NOX4: variants seen among roughly 807,000 people sequenced by gnomAD.
NOX4 encodes the protein NADPH oxidase 4.
A neutral mutation model predicts 87.6 loss-of-function variants in NOX4; 69 were observed. The observed-to-expected ratio is 0.79, with a 90% CI of 0.65 to 0.96. NOX4 has a LOEUF of 0.96. Ranked by LOEUF, NOX4 falls within the 40% of genes least tolerant of loss-of-function variation. NOX4 has a pLI of 0.00. For missense variants in NOX4, 680 were observed against 681.5 expected, an observed-to-expected ratio of 1.00 and a Z score of 0.02; for synonymous variants, 275 against 238.2, an observed-to-expected ratio of 1.15 and a Z score of -1.42.
intron 12 of NOX4, among the ~76,000 whole-genome samples, chr11:89,356,559 T>C (rs1938073083): frequency 6.6e-6 from 1 of 152,124 alleles, no homozygotes; most frequent in African/African-American, 2.4e-5. Flanking sequence ...GTCATACCTA[T>C]GGAAAGGCTT....
At chr11:89,584,046 G>GT in the NOX4 span, among the ~76,000 whole-genome samples, 1 of 152,038 alleles carries the variant, frequency 6.6e-6, no homozygotes, top group African/African-American at 2.4e-5. Flanking sequence ...TGTTACTATC[G>GT]TAACAGTAAG....
intron 11 of NOX4, among the ~76,000 whole-genome samples, chr11:89,377,563 A>C (rs1939948380): frequency 1.3e-5 from 2 of 152,166 alleles, no homozygotes; most frequent in Non-Finnish European, 1.5e-5. Context: ...AGTCCCACAA[A>C]ATATAAAAAG....
chr11:89,506,744 C>A, the NOX4 span, among the ~76,000 whole-genome samples: 3 of 151,700 alleles, frequency 2.0e-5, no homozygotes, highest in African/African-American at 7.3e-5. Flanking sequence ...GATAAGAAAA[C>A]AAATAGTCCA....
chr11:89,483,816 C>T (rs533639345), intron 2 of NOX4, among the ~76,000 whole-genome samples: 121 of 152,078 alleles, frequency 8.0e-4, no homozygotes, highest in African/African-American at 2.8e-3. Context: ...TTGACTTAGC[C>T]ATTTCACAAT....
the NOX4 span, among the ~76,000 whole-genome samples, chr11:89,559,106 A>G: frequency 1.3e-5 from 2 of 152,102 alleles, no homozygotes; most frequent in Non-Finnish European, 2.9e-5. Context: ...ACAAATATTT[A>G]TTAAGTGCCT....
chr11:89,587,887 T>C, the NOX4 span, among the ~76,000 whole-genome samples: 20 of 152,298 alleles, frequency 1.3e-4, no homozygotes, highest in African/African-American at 4.8e-4. Context: ...ATTTTCAATA[T>C]GACTTAAGAT....
chr11:89,501,402 C>T (rs543545398), upstream of NOX4, among the ~76,000 whole-genome samples: 220 of 151,644 alleles, frequency 1.5e-3, 1 homozygote, highest in Middle Eastern at 6.8e-3. Flanking sequence ...GTATTAAGGT[C>T]GCTTATATTA....
intron 7 of NOX4, 123 bp from the exon 8 acceptor site, chr11:89,422,105 A>G: frequency 1.9e-6 from 1 of 520,836 alleles, no homozygotes; most frequent in South Asian, 3.3e-5. Flanking sequence ...TGAGTACATC[A>G]TATTAATCTA....
the NOX4 span, among the ~76,000 whole-genome samples, chr11:89,536,349 T>C: frequency 1.1e-4 from 16 of 152,004 alleles, no homozygotes; most frequent in African/African-American, 3.9e-4. Context: ...GGTTTCACCA[T>C]GTTAGCCAGG....
chr11:89,556,824 T>A, the NOX4 span: 1 of 152,238 alleles, frequency 6.6e-6, no homozygotes, highest in Non-Finnish European at 1.5e-5. Context: ...TGCTGTAAAC[T>A]CTAACAAGTT....
chr11:89,565,042 C>T, the NOX4 span, among the ~76,000 whole-genome samples: 742 of 152,128 alleles, frequency 4.9e-3, 3 homozygotes, highest in African/African-American at 0.01. Context: ...CTAAAAATAC[C>T]TGCTGGGATT....
At chr11:89,449,279 G>A (rs901149069) in intron 4 of NOX4, among the ~76,000 whole-genome samples, 161 bp downstream of exon 4, 5 of 152,154 alleles carry the variant, frequency 3.3e-5, no homozygotes, top group Non-Finnish European at 5.9e-5. Context: ...GACATTATAT[G>A]TTAATATATC....
the NOX4 span, among the ~76,000 whole-genome samples, chr11:89,555,820 A>G: frequency 2.6e-5 from 4 of 152,170 alleles, no homozygotes; most frequent in Admixed American, 2.6e-4. Flanking sequence ...TATGATATTT[A>G]ATAGCTAGTA....
chr11:89,424,284 T>C (rs2135275666), intron 7 of NOX4, among the ~76,000 whole-genome samples: 1 of 151,756 alleles, frequency 6.6e-6, no homozygotes. Context: ...ATTTGATTTA[T>C]ATCCAATTAC....
the NOX4 span, among the ~76,000 whole-genome samples, chr11:89,518,325 C>T: frequency 6.6e-6 from 1 of 151,484 alleles, no homozygotes; most frequent in African/African-American, 2.4e-5. Context: ...TAAAAAATGA[C>T]CACAGGAATT....
At chr11:89,575,255 A>G in the NOX4 span, among the ~76,000 whole-genome samples, 3 of 124,088 alleles carry the variant, frequency 2.4e-5, no homozygotes, top group Non-Finnish European at 5.3e-5. Context: ...CTATTAAGAA[A>G]TGGAGGTACA....
At chr11:89,536,251 A>T in the NOX4 span, among the ~76,000 whole-genome samples, 1 of 140,302 alleles carries the variant, frequency 7.1e-6, no homozygotes, top group Non-Finnish European at 1.5e-5. Flanking sequence ...GGTTCACGCC[A>T]TTCTCCTGCC....
At chr11:89,336,917 A>G (rs1343995956) in intron 16 of NOX4, among the ~76,000 whole-genome samples, 6 of 152,058 alleles carry the variant, frequency 3.9e-5, no homozygotes, top group Non-Finnish European at 8.8e-5. Flanking sequence ...ACACCAGTCC[A>G]GCTCTTCAAT....
At chr11:89,524,363 AG>A in the NOX4 span, among the ~76,000 whole-genome samples, 4 of 152,180 alleles carry the variant, frequency 2.6e-5, no homozygotes, top group Non-Finnish European at 5.9e-5. Context: ...GTAAGGAAAA[AG>A]GAACTAACAA....
Sources: gnomAD v4.1 joint callset for allele counts (sites outside exome capture counted in the v4.1 genomes callset) on GRCh38, gnomAD v4.1.1 for gene constraint, MANE v1.5 for transcripts, NCBI Gene and HGNC (gene_info 2026-07-23, HGNC 2026-07-21) for gene names.